The following USP43 variants were observed in gnomAD, a reference collection of about 807,000 sequenced individuals.
USP43 encodes ubiquitin carboxyl-terminal hydrolase 43.
A neutral mutation model predicts 90.7 loss-of-function variants in USP43; 33 were observed. The observed-to-expected ratio is 0.36, with a 90% CI of 0.28 to 0.49. The LOEUF (loss-of-function observed/expected upper bound fraction) is 0.49. Ranked by LOEUF, USP43 falls within the 20% of genes least tolerant of loss-of-function variation. The probability of loss-of-function intolerance (pLI) is 0.98; values close to 1 mark genes in which losing one functional copy is unlikely to be tolerated. For synonymous variants in USP43, 598 were observed against 615.8 expected (o/e 0.97, Z 0.43); for missense variants, 1,274 against 1,476.4 (o/e 0.86, Z 2.25).
rs1300200482 is a variant in USP43 at position 9,701,564 on chromosome 17, C to A, written c.1875C>A (p.Ser625Arg). Residue 625 changes from serine to arginine, a missense_variant, in exon 12 of 15, where the codon AGC (serine) becomes AGA (arginine). This residue lies in a region of USP43 where 285 missense variants were observed against 349.6 expected (regional missense o/e 0.82). Transcript: ENST00000285199. This position sits in a 1 kb window ranked among gnomAD's most constrained non-coding sequence, Gnocchi z 7.2. The stretch of plus-strand genomic sequence containing the variant: ...CCCATGTGGCCCAGAGAAGCACCAG[C>A]CCTGAGGCAGGACTGGGCCCCTGGC... ...MAPHVAQRST[S>R]PEAGLGPWPS... 3.2e-6 allele frequency: 5 copies of A among 1,567,462 alleles called. No individual in the cohort carries two copies. The highest frequency in any genetic ancestry group is 4.3e-6 in the Non-Finnish European group (5 of 1,156,550).
rs542902410 is a variant in USP43 at position 9,650,146 on chromosome 17, T to C, written c.504+4010T>C. On this transcript the variant is annotated intron_variant, in intron 1 of 14. Transcript: ENST00000285199. ...TTCCATTTTCCAGTATTATACTGTA[T>C]TGAAGTTTCTTGTATTTAAATCATT... Among the ~76,000 whole-genome samples, 387 of 152,328 alleles carry C rather than the reference T, an allele frequency of 2.5e-3. 3 individuals carry two copies. The highest frequency in any genetic ancestry group is 4.0e-3 in the Non-Finnish European group (273 of 68,028).
At chr17:9,662,559 C>T (rs1206743129) in intron 2 of USP43, among the ~76,000 whole-genome samples, 2 of 152,120 alleles carry the variant, frequency 1.3e-5, no homozygotes, top group Non-Finnish European at 2.9e-5. Flanking sequence ...GAATCCATCC[C>T]TCCTTTTCAT....
Position 9,704,497 on chromosome 17 carries a change from A to G in USP43, c.2011+2797A>G, listed in dbSNP as rs538199349. The stretch of plus-strand genomic sequence containing the variant: ...CGCCTGGCTAATTTTTGTATTTTTT[A>G]GTAGAGACAGGGTTTCACCATGTTG... On this transcript the variant is annotated intron_variant, in intron 12 of 14. Transcript: ENST00000285199. Among the ~76,000 whole-genome samples the G allele has an allele frequency of 7.2e-4, 110 of 152,026 alleles. 2 individuals carry two copies. The South Asian group carries it at 9.2e-3, about 13-fold the overall frequency.
At chr17:9,660,791 G>A (rs1301570166) in intron 2 of USP43, among the ~76,000 whole-genome samples, 1 of 152,200 alleles carries the variant, frequency 6.6e-6, no homozygotes, top group Non-Finnish European at 1.5e-5. Context: ...CTAGAGAGAG[G>A]AGCTTACCCC....
At chr17:9,677,013 G>A (rs1179456972) in intron 5 of USP43, 132 bp downstream of exon 5, 2 of 1,160,586 alleles carry the variant, frequency 1.7e-6, no homozygotes, top group Non-Finnish European at 2.4e-6. Context: ...TGGTTGATTA[G>A]TAATGCCTGC....
In USP43 at chr17:9,696,490, C is replaced by T. The variant is rs115815369; in HGVS notation, c.1457+3260C>T. On this transcript the variant is annotated intron_variant, in intron 9 of 14. Transcript: ENST00000285199. ...TCTACTGCCTTTAGGCCAAAGTCTCCTAGATCCATATCTCCTGCCCAGATT... is the reference window on the plus strand; with the variant it reads ...TCTACTGCCTTTAGGCCAAAGTCTCTTAGATCCATATCTCCTGCCCAGATT... Among the ~76,000 whole-genome samples, 585 of 152,288 alleles carry T rather than the reference C, an allele frequency of 3.8e-3. 7 individuals are homozygous for T. Among genetic ancestry groups the T allele is most frequent in the African/African-American group, 0.013 (558 of 41,560 alleles).
rs923742654 is a variant in USP43 at position 9,674,582 on chromosome 17, T to G, written c.741-309T>G. Among the ~76,000 whole-genome samples the G allele has an allele frequency of 1.3e-5, 2 of 152,224 alleles. No individual in the cohort carries two copies. Among genetic ancestry groups the G allele is most frequent in the South Asian group, 2.1e-4 (1 of 4,832 alleles). On this transcript the variant is annotated intron_variant, in intron 3 of 14. Transcript: ENST00000285199. This position sits in a 1 kb window ranked among gnomAD's most constrained non-coding sequence, Gnocchi z 4.4. ...GTGCTGTTTTCAAGGTTCATCCACGTTGTAGTATGGACCAGGGGTTCATTC... is the reference window on the plus strand; with the variant it reads ...GTGCTGTTTTCAAGGTTCATCCACGGTGTAGTATGGACCAGGGGTTCATTC...
chr17:9,663,845 G>A (rs1912817353), intron 2 of USP43, among the ~76,000 whole-genome samples: 2 of 152,122 alleles, frequency 1.3e-5, no homozygotes, highest in Non-Finnish European at 2.9e-5. Flanking sequence ...GGTTGGTCTT[G>A]AACTTCTGAC....
At chr17:9,679,933 C>T (rs1191457911) in intron 5 of USP43, among the ~76,000 whole-genome samples, 1 of 151,952 alleles carries the variant, frequency 6.6e-6, no homozygotes, top group African/African-American at 2.4e-5. Flanking sequence ...CTGTAGTAAA[C>T]ACTCACTTTT....
At chr17:9,720,982 T>C (rs954001600) in intron 14 of USP43, among the ~76,000 whole-genome samples, 1 of 152,198 alleles carries the variant, frequency 6.6e-6, no homozygotes, top group African/African-American at 2.4e-5. Flanking sequence ...GTAGCCCTGG[T>C]TATGATCATC....
intron 1 of USP43, 39 bp from the exon 2 acceptor site, chr17:9,656,364 G>A (rs1037916908): frequency 1.3e-6 from 2 of 1,597,646 alleles, no homozygotes; most frequent in Non-Finnish European, 1.7e-6. Flanking sequence ...GTTGTATAAG[G>A]GGCCAAATTC....
chr17:9,665,770 G>A (rs1913000957), intron 2 of USP43, among the ~76,000 whole-genome samples: 1 of 152,208 alleles, frequency 6.6e-6, no homozygotes, highest in Non-Finnish European at 1.5e-5. Flanking sequence ...GAAGCTGGGG[G>A]AAATTTGAGA....
chr17:9,671,702 TG>T (rs1913451171), intron 3 of USP43, among the ~76,000 whole-genome samples: 1 of 152,124 alleles, frequency 6.6e-6, no homozygotes, highest in Non-Finnish European at 1.5e-5. Flanking sequence ...TGAAAGGCAG[TG>T]GGGTGATTTT....
intron 5 of USP43, among the ~76,000 whole-genome samples, chr17:9,678,984 C>A (rs1256314642): frequency 6.6e-6 from 1 of 152,030 alleles, no homozygotes; most frequent in Non-Finnish European, 1.5e-5. Flanking sequence ...TGCATTAAAT[C>A]CCCTTATACC....
intron 2 of USP43, among the ~76,000 whole-genome samples, chr17:9,666,032 G>A (rs897338324): frequency 1.3e-5 from 2 of 152,170 alleles, no homozygotes; most frequent in African/African-American, 4.8e-5. Context: ...ATTGTTTACA[G>A]CCCCCAGTTT....
chr17:9,717,060 C>G (rs1916610991), intron 14 of USP43, among the ~76,000 whole-genome samples: 1 of 150,282 alleles, frequency 6.7e-6, no homozygotes, highest in Non-Finnish European at 1.5e-5. Context: ...CACTTGAACC[C>G]AGGAAGGAGA....
chr17:9,687,366 G>T (rs762555169), intron 8 of USP43, among the ~76,000 whole-genome samples: 27 of 152,096 alleles, frequency 1.8e-4, no homozygotes, highest in Non-Finnish European at 3.7e-4. Flanking sequence ...ACTTGAGATA[G>T]AATTTCTGGG....
chr17:9,656,559 A>G, intron 2 of USP43, 25 bp downstream of exon 2: 1 of 1,598,168 alleles, frequency 6.3e-7, no homozygotes, highest in Non-Finnish European at 8.5e-7. Context: ...AAACAACACA[A>G]TGTACTGGGT....
intron 6 of USP43, 113 bp from the exon 7 acceptor site, chr17:9,682,710 C>CA: frequency 7.3e-7 from 1 of 1,375,218 alleles, no homozygotes; most frequent in Non-Finnish European, 9.7e-7. Context: ...AGTGGCCCCC[C>CA]ATTGGTGGTT....
Sources: gnomAD v4.1 joint callset for allele counts (sites outside exome capture counted in the v4.1 genomes callset) on GRCh38, gnomAD v4.1.1 for gene constraint, gnomAD v4.1.1 regional missense constraint, Gnocchi (gnomAD v3.1) non-coding constraint, MANE v1.5 for transcripts, NCBI Gene and HGNC (gene_info 2026-07-23, HGNC 2026-07-21) for gene names.